The following TTC23 variants were observed in gnomAD, a reference collection of about 807,000 sequenced individuals.
The protein encoded by TTC23 is tetratricopeptide repeat domain 23.
TTC23 carries 58 observed loss-of-function variants against 55.1 expected under a neutral mutation model. That is an observed-to-expected ratio of 1.05 (90% CI 0.85 to 1.31). The LOEUF (loss-of-function observed/expected upper bound fraction) is 1.31, where lower values mean the gene tolerates loss of function less well. Among genes scored for constraint, TTC23 ranks in the 50% most tolerant of loss-of-function variants. The pLI is 0.00. For synonymous variants in TTC23, 203 were observed against 199.9 expected (o/e 1.02, Z -0.13); for missense variants, 516 against 534.4 (o/e 0.97, Z 0.34).
chr15:99,193,500 G>T (rs1023032142), intron 9 of TTC23, among the ~76,000 whole-genome samples: 3 of 152,144 alleles, frequency 2.0e-5, no homozygotes, highest in African/African-American at 4.8e-5. Context: ...ATCCACATAT[G>T]ACATGACTTG....
chr15:99,229,481 G>A (rs1432685973), intron 4 of TTC23, among the ~76,000 whole-genome samples: 2 of 152,172 alleles, frequency 1.3e-5, no homozygotes. Flanking sequence ...ACAGCACAGG[G>A]AAGAGGGGAC....
intron 12 of TTC23, chr15:99,139,817 G>A: frequency 8.7e-7 from 1 of 1,152,234 alleles, no homozygotes; most frequent in Non-Finnish European, 1.2e-6. Context: ...TATATAGGCT[G>A]TCTATACTCT....
intron 5 of TTC23, among the ~76,000 whole-genome samples, chr15:99,224,541 T>C (rs1043845027): frequency 6.6e-6 from 1 of 152,246 alleles, no homozygotes; most frequent in South Asian, 2.1e-4. Flanking sequence ...CCACTCTTTA[T>C]TGGGCATTTA....
intron 1 of TTC23, among the ~76,000 whole-genome samples, chr15:99,248,806 A>C (rs1347212002): frequency 6.6e-6 from 1 of 152,170 alleles, no homozygotes; most frequent in Non-Finnish European, 1.5e-5. Context: ...TATTTGTTTT[A>C]ATTAAAAATG....
At chr15:99,242,133 GAAA>G (rs35988389) in intron 2 of TTC23, among the ~76,000 whole-genome samples, 3 of 134,632 alleles carry the variant, frequency 2.2e-5, no homozygotes, top group Non-Finnish European at 3.2e-5. Flanking sequence ...TCCTGTCTCA[GAAA>G]AAAAAAAAAA....
chr15:99,222,536 C>T (rs2078034074), intron 5 of TTC23, among the ~76,000 whole-genome samples: 2 of 152,176 alleles, frequency 1.3e-5, no homozygotes, highest in Admixed American at 6.5e-5. Context: ...TTTCCTTAGC[C>T]ATCTGCACTA....
chr15:99,188,760 C>T lies in TTC23; in HGVS notation c.759+11159G>A, dbSNP rs74342808. 1.5e-3 allele frequency among the ~76,000 whole-genome samples: 235 copies of T among 152,164 alleles called. 2 individuals carry two copies. In the East Asian group the frequency reaches 0.03, roughly 19 times the overall value. ...AATGCAAATTAAAACTATCCTGAGA[C>T]GTCATTTCTCATTCATTAGATTGGA... On this transcript the variant is annotated intron_variant, in intron 9 of 13. Coordinates refer to ENST00000394132, the MANE Select transcript of TTC23 (RefSeq NM_001288615.3).
At chr15:99,231,883 C>A (rs994098613) in intron 4 of TTC23, among the ~76,000 whole-genome samples, 5 of 151,650 alleles carry the variant, frequency 3.3e-5, no homozygotes, top group Admixed American at 6.6e-5. Flanking sequence ...ACCTCTACCC[C>A]CCAGGTTCAA....
intron 12 of TTC23, among the ~76,000 whole-genome samples, chr15:99,143,166 T>C (rs1045796464): frequency 6.6e-6 from 1 of 152,232 alleles, no homozygotes; most frequent in Non-Finnish European, 1.5e-5. Flanking sequence ...ATCCATTAAA[T>C]GACTACTCTT....
chr15:99,228,813 C>A, intron 4 of TTC23, 81 bp from the exon 5 acceptor site: 8 of 1,155,290 alleles, frequency 6.9e-6, no homozygotes, highest in Non-Finnish European at 9.4e-6. Context: ...AACACTATAC[C>A]CATAATTTCT....
chr15:99,139,854 T>C, intron 12 of TTC23: 2 of 882,344 alleles, frequency 2.3e-6, no homozygotes, highest in Non-Finnish European at 3.1e-6. Flanking sequence ...TCTTAGTTAT[T>C]AGGAACCAAA....
intron 10 of TTC23, among the ~76,000 whole-genome samples, chr15:99,173,280 C>T (rs2073162681): frequency 6.6e-6 from 1 of 152,192 alleles, no homozygotes; most frequent in African/African-American, 2.4e-5. Context: ...AAACATATTT[C>T]AGTTAGTTAC....
chr15:99,213,089 T>A lies in TTC23; in HGVS notation c.581+5499A>T, dbSNP rs1272751250. 2.7e-5 allele frequency among the ~76,000 whole-genome samples: 4 copies of A among 150,194 alleles called. No homozygotes were observed. The East Asian group carries it at 7.9e-4, about 30-fold the overall frequency. On this transcript the variant is annotated intron_variant, in intron 8 of 13. Transcript: ENST00000394132. ...CAAGACCTGGCAAAAGAAAAGGCCC[T>A]CATGGTTCAAGCTTACCTACAGAAG...
intron 12 of TTC23, chr15:99,139,683 C>A: frequency 1.4e-6 from 2 of 1,392,346 alleles, no homozygotes; most frequent in Admixed American, 2.2e-5. Flanking sequence ...AAGGCAAGAA[C>A]CTTGGTACTG....
At chr15:99,220,657 T>C (rs541227129) in intron 6 of TTC23, among the ~76,000 whole-genome samples, 32 of 152,366 alleles carry the variant, frequency 2.1e-4, no homozygotes, top group South Asian at 8.3e-4. Context: ...GTGGCAATAA[T>C]GAATACGCTT....
At chr15:99,168,824 T>C (rs1353911739) in intron 10 of TTC23, among the ~76,000 whole-genome samples, 1 of 152,050 alleles carries the variant, frequency 6.6e-6, no homozygotes, top group Non-Finnish European at 1.5e-5. Context: ...CCTACCTGCC[T>C]CTCCTTTAGG....
chr15:99,250,254 C>G (rs1262828777), upstream of TTC23, among the ~76,000 whole-genome samples: 2 of 152,136 alleles, frequency 1.3e-5, no homozygotes, highest in African/African-American at 4.8e-5. Context: ...TGACATATAC[C>G]AACCATGCTG....
chr15:99,251,097 T>C (rs2080704862), upstream of TTC23: 1 of 152,136 alleles, frequency 6.6e-6, no homozygotes, highest in Non-Finnish European at 1.5e-5. Flanking sequence ...AATGAATGTA[T>C]GAATGAAGGA....
intron 10 of TTC23, among the ~76,000 whole-genome samples, chr15:99,163,499 C>T (rs1173050305): frequency 1.3e-5 from 2 of 152,204 alleles, no homozygotes; most frequent in Non-Finnish European, 2.9e-5. Context: ...AGAAGCACGC[C>T]TTACCACACC....
Sources: gnomAD v4.1 joint callset for allele counts (sites outside exome capture counted in the v4.1 genomes callset) on GRCh38, gnomAD v4.1.1 for gene constraint, MANE v1.5 for transcripts, NCBI Gene and HGNC (gene_info 2026-07-23, HGNC 2026-07-21) for gene names.